The following PCDHGB3 variants were observed in gnomAD, a reference collection of about 807,000 sequenced individuals.
PCDHGB3 encodes protocadherin gamma subfamily B, 3, also known as protocadherin gamma-B3.
A neutral mutation model predicts 59.2 loss-of-function variants in PCDHGB3; 40 were observed. The ratio of observed to expected loss-of-function variants is 0.68; its 90% confidence interval spans 0.52 to 0.88. The LOEUF is 0.88. Among genes scored for constraint, PCDHGB3 ranks in the 40% least tolerant of loss-of-function variants. The pLI is 0.00. For missense variants in PCDHGB3, 1,309 were observed against 1,187.9 expected, an observed-to-expected ratio of 1.10 and a Z score of -1.50; for synonymous variants, 581 against 503.6, an observed-to-expected ratio of 1.15 and a Z score of -2.06.
chr5:141,399,902 C>T, intron 1 of PCDHGB3: 3 of 1,612,490 alleles, frequency 1.9e-6, no homozygotes, highest in Non-Finnish European at 8.5e-7. Context: ...GCCGTGGACG[C>T]AGACTCAGGA....
intron 1 of PCDHGB3, among the ~76,000 whole-genome samples, chr5:141,467,475 T>C (rs2099144764): frequency 6.6e-6 from 1 of 152,248 alleles, no homozygotes; most frequent in Non-Finnish European, 1.5e-5. Flanking sequence ...GCATGGTTTT[T>C]GGTTTCCACA....
At chr5:141,427,365 TG>T (rs1391779401) in intron 1 of PCDHGB3, 2 of 457,804 alleles carry the variant, frequency 4.4e-6, no homozygotes, top group Non-Finnish European at 8.8e-6. Flanking sequence ...CGCAGAACCC[TG>T]GACGGTGATC....
intron 1 of PCDHGB3, chr5:141,404,152 T>C (rs769503668): frequency 1.9e-5 from 31 of 1,612,848 alleles, no homozygotes; most frequent in Non-Finnish European, 2.0e-5. Flanking sequence ...CAGAAGAAGA[T>C]TATTACAGAT....
At position 141,510,993 on chromosome 5, in the gene PCDHGB3, G is replaced by A. The variant is rs1457918073; in HGVS notation, c.2610G>A (p.Met870Ile). The A allele has an allele frequency of 4.3e-6, 7 of 1,614,046 alleles. No homozygotes were observed. Among genetic ancestry groups the A allele is most frequent in the African/African-American group, 1.3e-5 (1 of 74,906 alleles). ...CCCTGGGAGGGGGTGCCGGCACCAT[G>A]GGATTGAGCGCCCGCTACGGACCCC... ...SSTLGGGAGT[M>I]GLSARYGPQF... The change falls in exon 4 of 4, where the codon ATG (methionine) becomes ATA (isoleucine). Residue 870 changes from methionine to isoleucine, a missense_variant. Transcript: ENST00000576222.
rs770468191 is a variant in PCDHGB3, at chr5:141,478,296, A to G, written c.2416-16511A>G. On this transcript the variant is annotated intron_variant, in intron 1 of 3. Coordinates refer to ENST00000576222, the MANE Select transcript of PCDHGB3 (RefSeq NM_018924.5). ...AAGTGGAAGCAGTCTAGAGACCTAT[A>G]CCGAGCCCCGGTGAGCTCACTGTAC... is the stretch of plus-strand genomic sequence containing the variant. The G allele has an allele frequency of 9.3e-6, 15 of 1,613,962 alleles. No individual in the cohort carries two copies. Among genetic ancestry groups the G allele is most frequent in the African/African-American group, 6.7e-5 (5 of 74,930 alleles).
intron 1 of PCDHGB3, chr5:141,398,830 G>A: frequency 6.2e-7 from 1 of 1,613,946 alleles, no homozygotes; most frequent in Non-Finnish European, 8.5e-7. Flanking sequence ...GGTAACCGAC[G>A]CCAATGATAA....
chr5:141,420,840 T>A (rs2096528017), intron 1 of PCDHGB3, among the ~76,000 whole-genome samples: 1 of 152,250 alleles, frequency 6.6e-6, no homozygotes, highest in African/African-American at 2.4e-5. Flanking sequence ...TCGCAGGTGT[T>A]CTTGGTAAAG....
chr5:141,467,042 G>T (rs2099134710), intron 1 of PCDHGB3, among the ~76,000 whole-genome samples: 1 of 149,884 alleles, frequency 6.7e-6, no homozygotes. Context: ...TTTGTGTAAT[G>T]AATCAATGTT....
intron 1 of PCDHGB3, chr5:141,475,801 A>G: frequency 3.2e-6 from 1 of 312,546 alleles, no homozygotes. Flanking sequence ...AGGAAGCCAA[A>G]GGAAAGTGAA....
intron 1 of PCDHGB3, chr5:141,422,970 C>T (rs1348343583): frequency 1.2e-6 from 2 of 1,614,246 alleles, no homozygotes; most frequent in East Asian, 2.2e-5. Flanking sequence ...TGGCGCCCCG[C>T]TCTGCGGAAC....
At chr5:141,450,727 T>G (rs1592137328) in intron 1 of PCDHGB3, among the ~76,000 whole-genome samples, 1 of 152,080 alleles carries the variant, frequency 6.6e-6, no homozygotes, top group Non-Finnish European at 1.5e-5. Flanking sequence ...CCTCAGGTGA[T>G]CCGCCCGCCT....
At position 141,494,872 on chromosome 5, in the gene PCDHGB3, G is replaced by T. The variant is rs917132299; in HGVS notation, c.2474+7G>T. On this transcript the variant is annotated splice_region_variant and intron_variant, in intron 2 of 3. Transcript: ENST00000576222. The stretch of plus-strand genomic sequence containing the variant: ...AGAGACCCGGCACCAGCGGGTAGGT[G>T]ACTGATTCTCCAGCCCACCCTCTTC... 7 of 1,614,010 alleles carry T rather than the reference G, an allele frequency of 4.3e-6. No homozygotes were observed. The highest frequency in any genetic ancestry group is 1.3e-5 in the African/African-American group (1 of 74,910).
rs750033444 is a variant in PCDHGB3 at position 141,432,950 on chromosome 5, G to C, written c.2415+60141G>C. 1.2e-6 allele frequency: 2 copies of C among 1,614,190 alleles called. No homozygotes were observed. The highest frequency in any genetic ancestry group is 1.7e-6 in the Non-Finnish European group (2 of 1,180,032). ...ACGCCTGCTGCAGGCTTCAGGAGGC[G>C]GCTTGACAGGAGCGCCGGCGTCGCA... On this transcript the variant is annotated intron_variant, in intron 1 of 3. Transcript: ENST00000576222. The surrounding 1 kb of genome is among the most constrained non-coding windows in gnomAD (Gnocchi z 6.0).
rs759270061 is a variant in PCDHGB3, at chr5:141,372,011, G to A, written c.1617G>A (p.Ser539=). 4.3e-6 allele frequency: 7 copies of A among 1,613,294 alleles called. No homozygotes were observed. In the South Asian group the frequency reaches 6.6e-5, roughly 15 times the overall value. Residue 539 remains serine, a synonymous_variant, in exon 1 of 4, where the codon TCG becomes TCA. Transcript: ENST00000576222. ...ELTLQARDQG[S]PTLSANVSLR... is the part of the protein sequence containing the mutation. Reference sequence around the variant, plus strand: ...CTCTGCAGGCCCGCGACCAGGGCTCGCCTACGCTCAGCGCCAACGTGAGCC... The same window carrying A: ...CTCTGCAGGCCCGCGACCAGGGCTCACCTACGCTCAGCGCCAACGTGAGCC...
intron 3 of PCDHGB3, among the ~76,000 whole-genome samples, chr5:141,510,230 G>A (rs1285202719): frequency 2.7e-5 from 4 of 149,638 alleles, no homozygotes; most frequent in Non-Finnish European, 5.9e-5. Context: ...CCGGGATCGC[G>A]CCACTGCACT....
intron 1 of PCDHGB3, among the ~76,000 whole-genome samples, chr5:141,425,585 A>G (rs1270579511): frequency 6.6e-6 from 1 of 152,252 alleles, no homozygotes; most frequent in African/African-American, 2.4e-5. Flanking sequence ...GGCTAACTTT[A>G]TTCTGAATAT....
chr5:141,399,321 T>C (rs1356696829), intron 1 of PCDHGB3: 2 of 1,613,978 alleles, frequency 1.2e-6, no homozygotes, highest in Admixed American at 1.7e-5. Context: ...AAAATTCGTA[T>C]AAGTTGGTAA....
intron 1 of PCDHGB3, chr5:141,375,657 T>C (rs1588774279): frequency 6.2e-7 from 1 of 1,614,192 alleles, no homozygotes; most frequent in Non-Finnish European, 8.5e-7. Flanking sequence ...TATGAGCAGT[T>C]GAGAGACCTA....
At chr5:141,393,203 C>A in intron 1 of PCDHGB3, 1 of 1,613,514 alleles carries the variant, frequency 6.2e-7, no homozygotes, top group South Asian at 1.1e-5. Context: ...ACGATAATAA[C>A]CCAAAATTCC....
Sources: gnomAD v4.1 joint callset for allele counts (sites outside exome capture counted in the v4.1 genomes callset) on GRCh38, gnomAD v4.1.1 for gene constraint, Gnocchi (gnomAD v3.1) non-coding constraint, MANE v1.5 for transcripts, NCBI Gene and HGNC (gene_info 2026-07-23, HGNC 2026-07-21) for gene names.